Variants in MTSS1 observed in about 807,000 individuals in gnomAD.
The protein encoded by MTSS1 is MTSS I-BAR domain containing 1, also known as protein MTSS 1.
A neutral mutation model predicts 79.0 loss-of-function variants in MTSS1; 18 were observed. The ratio of observed to expected loss-of-function variants is 0.23; its 90% CI spans 0.16 to 0.34. The LOEUF is 0.34. Among genes scored for constraint, MTSS1 ranks in the 10% least tolerant of loss-of-function variants. The pLI is 1.00. For synonymous variants in MTSS1, 341 were observed against 368.6 expected (o/e 0.93, Z 0.86); for missense variants, 815 against 986.2 (o/e 0.83, Z 2.33).
chr8:124,627,442 A>G (rs1814924025), intron 3 of MTSS1, among the ~76,000 whole-genome samples: 1 of 152,266 alleles, frequency 6.6e-6, no homozygotes. Context: ...ACGCAGGTTA[A>G]GTTGCTGATC....
At chr8:124,622,181 A>T (rs1239290264) in intron 3 of MTSS1, among the ~76,000 whole-genome samples, 1 of 152,150 alleles carries the variant, frequency 6.6e-6, no homozygotes, top group East Asian at 1.9e-4. Flanking sequence ...ACGTTATGCT[A>T]AGTGAAAGAA....
intron 3 of MTSS1, among the ~76,000 whole-genome samples, chr8:124,698,340 A>G (rs1269146688): frequency 6.6e-6 from 1 of 152,152 alleles, no homozygotes; most frequent in African/African-American, 2.4e-5. Context: ...CACCACGACA[A>G]TGAAAAGAAC....
intron 12 of MTSS1, 109 bp from the exon 13 acceptor site, chr8:124,556,013 G>T: frequency 6.5e-7 from 1 of 1,547,950 alleles, no homozygotes; most frequent in South Asian, 1.2e-5. Context: ...GGGGGCTATT[G>T]ACTTGCTTGG....
intron 3 of MTSS1, among the ~76,000 whole-genome samples, chr8:124,656,939 G>A (rs1821070011): frequency 6.6e-6 from 1 of 152,086 alleles, no homozygotes; most frequent in African/African-American, 2.4e-5. Flanking sequence ...CCAGAATGCA[G>A]AAAATTCTAC....
At chr8:124,659,762 C>T (rs1156913530) in intron 3 of MTSS1, among the ~76,000 whole-genome samples, 5 of 152,180 alleles carry the variant, frequency 3.3e-5, no homozygotes, top group Non-Finnish European at 7.3e-5. Context: ...AACACCTGGG[C>T]CGCTCCGCTC....
At chr8:124,718,033 G>T (rs922229854) in intron 1 of MTSS1, among the ~76,000 whole-genome samples, 1 of 152,162 alleles carries the variant, frequency 6.6e-6, no homozygotes, top group African/African-American at 2.4e-5. Context: ...ACGCCAGGCC[G>T]CTAAGTGAAG....
intron 3 of MTSS1, among the ~76,000 whole-genome samples, chr8:124,661,106 A>T (rs183588984): frequency 1.5e-4 from 23 of 152,360 alleles, no homozygotes; most frequent in Admixed American, 4.6e-4. Context: ...GAGTGTGATC[A>T]TTAAAAAGTT....
chr8:124,718,017 G>A (rs1005614785), intron 1 of MTSS1, among the ~76,000 whole-genome samples: 1 of 152,226 alleles, frequency 6.6e-6, no homozygotes, highest in Admixed American at 6.5e-5. Context: ...ACACGGAAAG[G>A]CAAGGACGCC....
At chr8:124,608,381 C>T (rs909394117) in intron 3 of MTSS1, among the ~76,000 whole-genome samples, 3 of 152,198 alleles carry the variant, frequency 2.0e-5, no homozygotes, top group Admixed American at 6.5e-5. Flanking sequence ...ACCACATGTC[C>T]CATGGATGAG....
In MTSS1 at chr8:124,717,025, C is replaced by T. The variant is rs866193837; in HGVS notation, c.72+10859G>A. 4.4e-4 allele frequency among the ~76,000 whole-genome samples: 67 copies of T among 150,630 alleles called. 1 individual carries two copies. The highest frequency in any genetic ancestry group is 3.7e-4 in the Non-Finnish European group (25 of 67,830). ...AGTAAAAAAAAAAAAAAAAACTGGA[C>T]GCAACCTAAACACAAATGAGGGAGG... is the stretch of plus-strand genomic sequence containing the variant. On this transcript the variant is annotated intron_variant, in intron 1 of 13. Transcript: ENST00000518547.
intron 3 of MTSS1, among the ~76,000 whole-genome samples, chr8:124,599,345 C>T (rs905516470): frequency 2.6e-5 from 4 of 151,804 alleles, no homozygotes; most frequent in Admixed American, 6.6e-5. Flanking sequence ...TTAGCCAGCA[C>T]GGTGGTGGGT....
chr8:124,653,313 C>T (rs1228343111), intron 3 of MTSS1, among the ~76,000 whole-genome samples: 2 of 152,186 alleles, frequency 1.3e-5, no homozygotes, highest in African/African-American at 4.8e-5. Context: ...TGGTTTAGTC[C>T]ATCACATTGA....
rs1326463747 is a variant in MTSS1 at position 124,699,445 on chromosome 8, A to G, written c.208+81T>C. 4 of 1,285,636 alleles carry G rather than the reference A, an allele frequency of 3.1e-6. No individual in the cohort carries two copies. In the African/African-American group the frequency reaches 5.9e-5, roughly 19 times the overall value. The allele number at this position is 1,285,636 out of a possible 1,614,324, so 79.6% of individuals were successfully genotyped here. On this transcript the variant is annotated intron_variant, in intron 3 of 13. Transcript: ENST00000518547. Reference sequence around the variant, plus strand: ...GCTCAGCTCTGATAACTTAAGCTGCATCTTCTTGTGCAGCCACCCAAGGGG... The same window carrying G: ...GCTCAGCTCTGATAACTTAAGCTGCGTCTTCTTGTGCAGCCACCCAAGGGG...
At chr8:124,625,784 C>T (rs1368688799) in intron 3 of MTSS1, among the ~76,000 whole-genome samples, 1 of 152,178 alleles carries the variant, frequency 6.6e-6, no homozygotes, top group Non-Finnish European at 1.5e-5. Flanking sequence ...TGAACAGACT[C>T]CCAGGCACTG....
intron 3 of MTSS1, among the ~76,000 whole-genome samples, chr8:124,690,948 T>A (rs1262047560): frequency 1.3e-5 from 2 of 152,164 alleles, no homozygotes; most frequent in Non-Finnish European, 2.9e-5. Context: ...GTAAAAATGC[T>A]AAAAATGCAT....
At chr8:124,688,358 T>C (rs2135162910) in intron 3 of MTSS1, among the ~76,000 whole-genome samples, 1 of 151,762 alleles carries the variant, frequency 6.6e-6, no homozygotes, top group Non-Finnish European at 1.5e-5. Context: ...TGTGTGTGTG[T>C]TGTACGTGTG....
intron 10 of MTSS1, among the ~76,000 whole-genome samples, chr8:124,559,727 C>G (rs76933982): frequency 6.6e-6 from 1 of 152,090 alleles, no homozygotes; most frequent in Non-Finnish European, 1.5e-5. Context: ...GTGCTCAAAA[C>G]ATAATGAATG....
rs570873306 is a variant in MTSS1 at position 124,568,218 on chromosome 8, T to C, written c.618+161A>G. 23 of 794,860 alleles carry C rather than the reference T, an allele frequency of 2.9e-5. No individual in the cohort carries two copies. In the African/African-American group the frequency reaches 3.5e-4, roughly 12 times the overall value. 49.2% of individuals were successfully genotyped at this position (794,860 alleles called of 1,614,324 possible). A position where few individuals can be genotyped will look rare whatever the true frequency, so the allele number is the denominator to read the frequency against. On this transcript the variant is annotated intron_variant, in intron 7 of 13. Coordinates refer to ENST00000518547, the MANE Select transcript of MTSS1 (RefSeq NM_014751.6). ...AACAGTGAATGAGGAGTGAGCTACA[T>C]GGCCATCAACTTGCACTGAATCGCT...
Position 124,580,392 on chromosome 8 carries a change from C to A in MTSS1, c.460+4695G>T, listed in dbSNP as rs368521528. The A allele has an allele frequency of 7.8e-5, 56 of 714,376 alleles. 1 individual carries two copies. In the African/African-American group the frequency reaches 8.0e-4, roughly 10 times the overall value. The allele number at this position is 714,376 out of a possible 1,614,324, so 44.3% of individuals were successfully genotyped here. On this transcript the variant is annotated intron_variant, in intron 6 of 13. Transcript: ENST00000518547. The stretch of plus-strand genomic sequence containing the variant: ...AAACAATTAAAACACAACGCACACA[C>A]AATTTTCTTAAAGTTGTGGAAAATT...
Sources: gnomAD v4.1 joint callset for allele counts (sites outside exome capture counted in the v4.1 genomes callset) on GRCh38, gnomAD v4.1.1 for gene constraint, MANE v1.5 for transcripts, NCBI Gene and HGNC (gene_info 2026-07-23, HGNC 2026-07-21) for gene names.